The following SUSD3 variants were observed in gnomAD, a reference collection of about 807,000 sequenced individuals.
SUSD3 encodes the protein sushi domain-containing protein 3.
Under a neutral mutation model 20.6 loss-of-function variants are expected in SUSD3, and 18 were observed. That is an observed-to-expected ratio of 0.87 (90% CI 0.60 to 1.30). SUSD3 has a LOEUF of 1.30. Among genes scored for constraint, SUSD3 ranks in the 50% most tolerant of loss-of-function variants. SUSD3 has a pLI of 0.00. For synonymous variants in SUSD3, 137 were observed against 141.5 expected (o/e 0.97, Z 0.23); for missense variants, 306 against 346.9 (o/e 0.88, Z 0.94).
intron 2 of SUSD3, 98 bp from the exon 3 acceptor site, chr9:93,077,748 C>A: frequency 1.5e-6 from 2 of 1,363,992 alleles, no homozygotes; most frequent in Non-Finnish European, 1.0e-6. Context: ...CCTGTCTACA[C>A]CCAGGCCCTA....
chr9:93,058,731 G>A lies in SUSD3; in HGVS notation c.-12G>A, dbSNP rs559087309. On this transcript the variant is annotated 5_prime_UTR_variant, in exon 1 of 5. Coordinates refer to ENST00000375472, the MANE Select transcript of SUSD3 (RefSeq NM_145006.4). ...CCTGGCAGACCCCGCCAAGCGCCTC[G>A]GAGCGCGCAGGATGCGCTGGGCGGC... 2.4e-6 allele frequency: 3 copies of A among 1,231,772 alleles called. No individual in the cohort carries two copies. Among genetic ancestry groups the A allele is most frequent in the African/African-American group, 1.6e-5 (1 of 64,336 alleles). The allele number at this position is 1,231,772 out of a possible 1,614,324, so 76.3% of individuals were successfully genotyped here. A position where few individuals can be genotyped will look rare whatever the true frequency, so the allele number is the denominator to read the frequency against.
intron 1 of SUSD3, among the ~76,000 whole-genome samples, chr9:93,069,851 C>G (rs1304652613): frequency 6.6e-6 from 1 of 151,654 alleles, no homozygotes; most frequent in African/African-American, 2.4e-5. Context: ...ACGATTTTGG[C>G]TCACTGCAAC....
intron 1 of SUSD3, among the ~76,000 whole-genome samples, chr9:93,073,407 T>A (rs1642051035): frequency 6.6e-6 from 1 of 152,070 alleles, no homozygotes; most frequent in Non-Finnish European, 1.5e-5. Context: ...CCACCACACC[T>A]GGCTAATTAT....
At chr9:93,059,329 G>C (rs1825415370) in intron 1 of SUSD3, among the ~76,000 whole-genome samples, 1 of 152,232 alleles carries the variant, frequency 6.6e-6, no homozygotes, top group African/African-American at 2.4e-5. Flanking sequence ...TGCGAGAGGG[G>C]AGTGGCTGTC....
chr9:93,064,083 T>C (rs4535798), intron 1 of SUSD3, among the ~76,000 whole-genome samples: 37,684 of 151,998 alleles, frequency 0.25, 5,136 homozygotes, highest in African/African-American at 0.37. Flanking sequence ...GAGTCTCACT[T>C]TGTCAACCAG....
intron 1 of SUSD3, 38 bp from the exon 2 acceptor site, chr9:93,075,746 C>A (rs755816317): frequency 4.9e-5 from 9 of 184,888 alleles, no homozygotes; most frequent in Admixed American, 6.5e-5. Flanking sequence ...GCCCACCCCC[C>A]CCCCCCCGCC....
At chr9:93,074,297 G>A (rs1378641175) in intron 1 of SUSD3, among the ~76,000 whole-genome samples, 1 of 151,798 alleles carries the variant, frequency 6.6e-6, no homozygotes, top group African/African-American at 2.4e-5. Flanking sequence ...AGGTGTGGTC[G>A]CACATGCCTG....
chr9:93,080,081 A>G (rs1826346823), intron 4 of SUSD3, among the ~76,000 whole-genome samples: 2 of 152,160 alleles, frequency 1.3e-5, no homozygotes, highest in Admixed American at 1.3e-4. Context: ...TAATCCCAGC[A>G]GTTTGGGAGG....
rs576938494 is a variant in SUSD3 at position 93,084,151 on chromosome 9, C to T, written c.558-386C>T. 4.6e-5 allele frequency among the ~76,000 whole-genome samples: 7 copies of T among 152,224 alleles called. 1 individual carries two copies. In the South Asian group the frequency reaches 8.3e-4, roughly 18 times the overall value. ...GGAGGGAAGATGTCCTCCCCTTGAC[C>T]TCCTGCTCCCCAGCATCCCTTCTCT... On this transcript the variant is annotated intron_variant, in intron 4 of 4. Coordinates refer to ENST00000375472, the MANE Select transcript of SUSD3 (RefSeq NM_145006.4).
chr9:93,063,945 G>A (rs1188407638), intron 1 of SUSD3, among the ~76,000 whole-genome samples: 2 of 152,128 alleles, frequency 1.3e-5, no homozygotes, highest in East Asian at 1.9e-4. Flanking sequence ...ATTCCAAATC[G>A]TTCTATACTT....
chr9:93,077,212 C>G (rs1826200713), intron 2 of SUSD3, among the ~76,000 whole-genome samples: 1 of 152,158 alleles, frequency 6.6e-6, no homozygotes, highest in African/African-American at 2.4e-5. Context: ...ACAGCAGATA[C>G]ATAGTATTTT....
Position 93,084,526 on chromosome 9 carries a change from T to A in SUSD3, c.558-11T>A. On this transcript the variant is annotated splice_polypyrimidine_tract_variant and intron_variant, in intron 4 of 4. Transcript: ENST00000375472. ...CACTCTTTTGCCAACTCATGCCTCC[T>A]CTCTCCACAGAGACCATGGTGAGAG... The A allele has an allele frequency of 6.4e-7, 1 of 1,570,156 alleles. No individual in the cohort carries two copies. The highest frequency in any genetic ancestry group is 1.7e-4 in the Middle Eastern group (1 of 5,878).
intron 4 of SUSD3, among the ~76,000 whole-genome samples, chr9:93,083,799 G>A (rs1826523546): frequency 6.6e-6 from 1 of 152,190 alleles, no homozygotes; most frequent in South Asian, 2.1e-4. Context: ...AGAATTAGTT[G>A]TGGGTGGGAG....
intron 4 of SUSD3, among the ~76,000 whole-genome samples, chr9:93,080,394 G>A (rs1017671041): frequency 1.3e-5 from 2 of 150,650 alleles, no homozygotes; most frequent in Non-Finnish European, 3.0e-5. Flanking sequence ...AGTGGAGAAT[G>A]TCCATAATCA....
intron 2 of SUSD3, 83 bp from the exon 3 acceptor site, chr9:93,077,763 T>C: frequency 6.6e-7 from 1 of 1,526,132 alleles, no homozygotes; most frequent in African/African-American, 1.4e-5. Context: ...GCCCTACCCG[T>C]ACCACCCCTG....
At chr9:93,065,189 G>T (rs1012986142) in intron 1 of SUSD3, among the ~76,000 whole-genome samples, 1 of 152,172 alleles carries the variant, frequency 6.6e-6, no homozygotes, top group African/African-American at 2.4e-5. Flanking sequence ...TCTTTTGAAC[G>T]TGCAGCAGAG....
At chr9:93,074,891 C>T (rs1343099186) in intron 1 of SUSD3, among the ~76,000 whole-genome samples, 2 of 152,114 alleles carry the variant, frequency 1.3e-5, no homozygotes, top group African/African-American at 4.8e-5. Flanking sequence ...GGATTACAAG[C>T]ATGAGCCACC....
intron 4 of SUSD3, 63 bp downstream of exon 4, chr9:93,079,665 G>A (rs1251972212): frequency 2.5e-6 from 4 of 1,573,100 alleles, no homozygotes; most frequent in South Asian, 1.1e-5. Flanking sequence ...GTCAGGCCCC[G>A]GGCCACCTGC....
intron 2 of SUSD3, among the ~76,000 whole-genome samples, 170 bp from the exon 3 acceptor site, chr9:93,077,676 A>C (rs369216639): frequency 6.6e-6 from 1 of 152,062 alleles, no homozygotes; most frequent in Non-Finnish European, 1.5e-5. Flanking sequence ...TCTTTGCCTC[A>C]GCCCCCAGCA....
Sources: gnomAD v4.1 joint callset for allele counts (sites outside exome capture counted in the v4.1 genomes callset) on GRCh38, gnomAD v4.1.1 for gene constraint, MANE v1.5 for transcripts, NCBI Gene and HGNC (gene_info 2026-07-23, HGNC 2026-07-21) for gene names.